Variants in RORA observed in about 807,000 individuals in gnomAD.
The protein encoded by RORA is RAR related orphan receptor A.
RORA carries 7 observed loss-of-function variants against 69.5 expected under a neutral mutation model. The observed-to-expected ratio is 0.10, with a 90% CI of 0.06 to 0.19. The LOEUF is 0.19. Among genes scored for constraint, RORA ranks in the 10% least tolerant of loss-of-function variants. The probability of loss-of-function intolerance (pLI) is 1.00; values close to 1 mark genes in which losing one functional copy is unlikely to be tolerated. For synonymous variants in RORA, 261 were observed against 240.8 expected (o/e 1.08, Z -0.78); for missense variants, 457 against 663.0 (o/e 0.69, Z 3.41).
chr15:60,629,315 T>C (rs1203218189), intron 2 of RORA, among the ~76,000 whole-genome samples: 38 of 151,722 alleles, frequency 2.5e-4, no homozygotes, highest in Admixed American at 2.5e-3. Context: ...GTCTCCCAAG[T>C]AGCTGGGATT....
rs1289079794 is a variant in RORA at position 61,147,269 on chromosome 15, A to G, written c.166+81784T>C. ...CCGTAAAGGTGGAAAGGGGCATTAAAGGAGCTCAGATGCCAGACAGCCACG... is the reference window on the plus strand; with the variant it reads ...CCGTAAAGGTGGAAAGGGGCATTAAGGGAGCTCAGATGCCAGACAGCCACG... On this transcript the variant is annotated intron_variant, in intron 1 of 10. Coordinates refer to ENST00000335670, the MANE Select transcript of RORA (RefSeq NM_134261.3). This position sits in a 1 kb window ranked among gnomAD's most constrained non-coding sequence, Gnocchi z 4.1. Among the ~76,000 whole-genome samples, 1 of 152,204 alleles carries G rather than the reference A, an allele frequency of 6.6e-6. No homozygotes were observed. Among genetic ancestry groups the G allele is most frequent in the Admixed American group, 6.5e-5 (1 of 15,278 alleles).
At chr15:60,868,648 C>T (rs533652764) in intron 1 of RORA, among the ~76,000 whole-genome samples, 15 of 152,058 alleles carry the variant, frequency 9.9e-5, no homozygotes, top group African/African-American at 3.6e-4. Flanking sequence ...CCCCAAAGTG[C>T]GTGGTACTTC....
chr15:60,967,869 G>A (rs945282920), intron 1 of RORA, among the ~76,000 whole-genome samples: 1 of 152,134 alleles, frequency 6.6e-6, no homozygotes, highest in Admixed American at 6.5e-5. Flanking sequence ...CCAGAAAGGC[G>A]GGGGTGCTTC....
At chr15:60,606,218 CT>C (rs1596047955) in intron 2 of RORA, among the ~76,000 whole-genome samples, 1 of 152,298 alleles carries the variant, frequency 6.6e-6, no homozygotes, top group East Asian at 1.9e-4. Context: ...GAGATTGTGT[CT>C]GATATGCCTG....
intron 2 of RORA, among the ~76,000 whole-genome samples, chr15:60,604,098 A>C (rs1001142958): frequency 2.1e-5 from 3 of 143,476 alleles, no homozygotes; most frequent in African/African-American, 7.8e-5. Flanking sequence ...GCACCACTGC[A>C]CTCCAGCCTG....
chr15:60,709,489 C>T (rs2071113570), intron 1 of RORA, among the ~76,000 whole-genome samples: 2 of 151,992 alleles, frequency 1.3e-5, no homozygotes, highest in African/African-American at 2.4e-5. Flanking sequence ...GGAACTGGAC[C>T]GCACAGCAGG....
intron 2 of RORA, among the ~76,000 whole-genome samples, chr15:60,672,040 G>A (rs984167347): frequency 1.1e-4 from 17 of 152,118 alleles, no homozygotes; most frequent in African/African-American, 3.9e-4. Context: ...TGAGCCACGC[G>A]CATGCCACTA....
chr15:61,067,403 C>A lies in RORA; in HGVS notation c.166+161650G>T, dbSNP rs546349974. 9.9e-5 allele frequency among the ~76,000 whole-genome samples: 15 copies of A among 152,222 alleles called. No homozygotes were observed. In the South Asian group the frequency reaches 2.9e-3, roughly 30 times the overall value. On this transcript the variant is annotated intron_variant, in intron 1 of 10. Transcript: ENST00000335670. ...ACAGGTGTGAACTACTGTACCTGGC[C>A]TAAACTTTTAAACTCTCATTAATTT...
intron 1 of RORA, among the ~76,000 whole-genome samples, chr15:61,187,236 C>T (rs976815949): frequency 6.6e-6 from 1 of 152,166 alleles, no homozygotes. Context: ...AGAATATCCC[C>T]GTTACTACTA....
intron 1 of RORA, among the ~76,000 whole-genome samples, chr15:60,942,449 T>C (rs1892730123): frequency 6.6e-6 from 1 of 152,232 alleles, no homozygotes; most frequent in Non-Finnish European, 1.5e-5. Context: ...GAATTATGTG[T>C]GTTAAGCAAG....
intron 3 of RORA, chr15:60,530,855 A>G (rs1303571918): frequency 6.6e-6 from 1 of 152,220 alleles, no homozygotes; most frequent in Non-Finnish European, 1.5e-5. Flanking sequence ...GGCCTCCTGC[A>G]TGTTTAAATA....
intron 1 of RORA, among the ~76,000 whole-genome samples, chr15:60,903,355 C>T (rs898809487): frequency 1.3e-5 from 2 of 152,106 alleles, no homozygotes; most frequent in Non-Finnish European, 2.9e-5. Context: ...TGGCAGAGAC[C>T]AGCAGGATCT....
Position 60,534,104 on chromosome 15 carries a change from T to C in RORA, c.197-2253A>G, listed in dbSNP as rs1157240800. ...AACTGAAAATGATATGCAGTATTCC[T>C]GTACAGTCGGCCTGGACTCACAGTG... On this transcript the variant is annotated intron_variant, in intron 2 of 10. Coordinates refer to ENST00000335670, the MANE Select transcript of RORA (RefSeq NM_134261.3). This position sits in a 1 kb window ranked among gnomAD's most constrained non-coding sequence, Gnocchi z 5.0. Among the ~76,000 whole-genome samples, 1 of 152,236 alleles carries C rather than the reference T, an allele frequency of 6.6e-6. No homozygotes were observed. The highest frequency in any genetic ancestry group is 1.5e-5 in the Non-Finnish European group (1 of 68,044).
At chr15:60,739,836 T>A (rs2071550533) in intron 1 of RORA, among the ~76,000 whole-genome samples, 1 of 152,156 alleles carries the variant, frequency 6.6e-6, no homozygotes, top group Non-Finnish European at 1.5e-5. Flanking sequence ...TTTAAAGAAA[T>A]CTGATTTTCA....
At chr15:61,123,584 A>G (rs2079120464) in intron 1 of RORA, among the ~76,000 whole-genome samples, 1 of 152,206 alleles carries the variant, frequency 6.6e-6, no homozygotes, top group Non-Finnish European at 1.5e-5. Context: ...CACACTGGAA[A>G]CACCGAGGTA....
chr15:61,214,612 G>T (rs1171571441), intron 1 of RORA, among the ~76,000 whole-genome samples: 1 of 152,210 alleles, frequency 6.6e-6, no homozygotes, highest in Non-Finnish European at 1.5e-5. Context: ...GGGGGCAGGT[G>T]AGAGATGGGA....
intron 6 of RORA, 31 bp from the exon 7 acceptor site, chr15:60,503,698 C>T: frequency 6.2e-7 from 1 of 1,610,582 alleles, no homozygotes; most frequent in Non-Finnish European, 8.5e-7. Context: ...TTAACATCCT[C>T]CAGGAAGATG....
chr15:60,514,310 CGTCA>C (rs1263592939), intron 4 of RORA, among the ~76,000 whole-genome samples: 2 of 152,108 alleles, frequency 1.3e-5, no homozygotes, highest in Non-Finnish European at 2.9e-5. Flanking sequence ...TGACACTTAC[CGTCA>C]GTCAATCGAC....
At chr15:60,699,778 C>T (rs180759848) in intron 1 of RORA, among the ~76,000 whole-genome samples, 59 of 151,982 alleles carry the variant, frequency 3.9e-4, no homozygotes, top group Non-Finnish European at 7.2e-4. Context: ...TAGTTTTTGC[C>T]TGCCACAATA....
Sources: allele counts gnomAD v4.1 joint callset (sites outside exome capture counted in the v4.1 genomes callset), GRCh38; gene constraint gnomAD v4.1.1; non-coding constraint Gnocchi (gnomAD v3.1); transcripts MANE v1.5; gene names NCBI Gene and HGNC (gene_info 2026-07-23, HGNC 2026-07-21).